FLYWCH1: variants seen among roughly 807,000 people sequenced by gnomAD.
FLYWCH1 encodes the protein FLYWCH-type zinc finger-containing protein 1.
A neutral mutation model predicts 66.4 loss-of-function variants in FLYWCH1; 75 were observed. The ratio of observed to expected loss-of-function variants is 1.13; its 90% confidence interval spans 0.94 to 1.37. The LOEUF (loss-of-function observed/expected upper bound fraction) is 1.37, where lower values mean the gene tolerates loss of function less well. Among genes scored for constraint, FLYWCH1 ranks in the 40% most tolerant of loss-of-function variants. The probability of loss-of-function intolerance (pLI) is 0.00; values close to 1 mark genes in which losing one functional copy is unlikely to be tolerated. For missense variants in FLYWCH1, 1,334 were observed against 1,001.8 expected (o/e 1.33, Z -4.48); for synonymous variants, 595 against 429.9 (o/e 1.38, Z -4.75).
intron 8 of FLYWCH1, among the ~76,000 whole-genome samples, chr16:2,939,295 A>C (rs1255654040): frequency 2.6e-5 from 4 of 152,116 alleles, no homozygotes; most frequent in African/African-American, 7.2e-5. Flanking sequence ...AAAATACAAA[A>C]TTAGCTGGAC....
intron 6 of FLYWCH1, chr16:2,936,277 C>G: frequency 1.0e-5 from 4 of 396,386 alleles, no homozygotes; most frequent in Admixed American, 8.8e-5. Context: ...CCACCCCCTC[C>G]CGTGGCCTGG....
rs530712881 is a variant in FLYWCH1, at chr16:2,945,783, A to G, written c.2112-2905A>G. On this transcript the variant is annotated intron_variant, in intron 9 of 9. Transcript: ENST00000253928. ...GAGGCCAAGGTGGGCAGATCATGAG[A>G]TCAGGAGATCAAGACCATCCTGGCT... Among the ~76,000 whole-genome samples the G allele has an allele frequency of 1.6e-3, 250 of 152,176 alleles. 1 individual carries two copies. The highest frequency in any genetic ancestry group is 0.013 in the South Asian group (61 of 4,818).
rs370906110 is a variant in FLYWCH1 at position 2,937,294 on chromosome 16, C to A, written c.1687C>A (p.Arg563Ser). Residue 563 changes from arginine to serine, a missense_variant, in exon 7 of 10, where the codon CGC becomes AGC. Coordinates refer to ENST00000253928, the MANE Select transcript of FLYWCH1 (RefSeq NM_001308068.2). The stretch of plus-strand genomic sequence containing the variant: ...CCAGGGCCGGCGGGTCATGGTCATG[C>A]GCAGGCACTGCCACCCACCGGACCT... The part of the protein sequence containing the change: ...ITQGRRVMVM[R>S]RHCHPPDLGG... 7.5e-6 allele frequency: 12 copies of A among 1,603,778 alleles called. No individual in the cohort carries two copies. The African/African-American group carries it at 1.2e-4, about 16-fold the overall frequency.
Position 2,933,433 on chromosome 16 carries a change from G to T in FLYWCH1, c.1100G>T (p.Arg367Leu). Residue 367 changes from arginine to leucine, a missense_variant, in exon 5 of 10, where the codon CGA becomes CTA. Arg to Leu is a moderately radical substitution (Grantham distance 102). Transcript: ENST00000253928. ...GPGSQVDTLL[R>L]GVDSLLYRRG... The stretch of plus-strand genomic sequence containing the variant: ...GGGAGCCAAGTGGACACGCTGCTCC[G>T]AGGCGTGGATAGTTTGCTCTACCGC... The T allele has an allele frequency of 6.2e-7, 1 of 1,601,038 alleles. No homozygotes were observed. The highest frequency in any genetic ancestry group is 8.5e-7 in the Non-Finnish European group (1 of 1,174,630).
At chr16:2,921,530 T>C (rs1424092080) in intron 2 of FLYWCH1, among the ~76,000 whole-genome samples, 1 of 151,842 alleles carries the variant, frequency 6.6e-6, no homozygotes, top group Non-Finnish European at 1.5e-5. Context: ...ACCCTGTCAT[T>C]ACCAAAATAT....
At chr16:2,927,300 T>TGGCA (rs2070604707) in intron 2 of FLYWCH1, among the ~76,000 whole-genome samples, 1 of 152,194 alleles carries the variant, frequency 6.6e-6, no homozygotes, top group Non-Finnish European at 1.5e-5. Context: ...TCTTGAGGCG[T>TGGCA]GGCAGTTCCT....
Position 2,930,871 on chromosome 16 carries a change from C to A in FLYWCH1, c.787C>A (p.Leu263Met), listed in dbSNP as rs1385426366. The change falls in exon 4 of 10, where the codon CTG (leucine) becomes ATG (methionine). Residue 263 changes from leucine (L) to methionine (M), a missense_variant. Coordinates refer to ENST00000253928, the MANE Select transcript of FLYWCH1 (RefSeq NM_001308068.2). ...CCTGCCGCCCAAGAAGCGCTCGATC[C>A]TGGGGCTGGGTGAGTACAATCCACT... ...LSLPPKKRSI[L>M]GLGQARPLEF... 2 of 1,590,892 alleles carry A rather than the reference C, an allele frequency of 1.3e-6. No homozygotes were observed. Among genetic ancestry groups the A allele is most frequent in the African/African-American group, 2.7e-5 (2 of 74,542 alleles).
At chr16:2,934,641 T>C (rs1489147716) in intron 6 of FLYWCH1, 1 of 456,822 alleles carries the variant, frequency 2.2e-6, no homozygotes, top group Admixed American at 2.3e-5. Flanking sequence ...CCAGTGGCTC[T>C]TCCGGATCCT....
In FLYWCH1 at chr16:2,929,928, G is replaced by C; in HGVS notation, c.243G>C (p.Gln81His). The change falls in exon 3 of 10, where the codon CAG becomes CAC. Residue 81 changes from glutamine to histidine, a missense_variant. Transcript: ENST00000253928. Reference protein sequence around the residue: ...AGPATLASTLQILPVEEQGGV... With the variant: ...AGPATLASTLHILPVEEQGGV... ...CCGCCACCCTCGCCAGCACCTTGCA[G>C]ATCCTGCCAGTTGAGGAGCAGGGAG... 6.2e-7 allele frequency: 1 copy of C among 1,613,752 alleles called. No homozygotes were observed. Among genetic ancestry groups the C allele is most frequent in the Non-Finnish European group, 8.5e-7 (1 of 1,179,868 alleles).
At chr16:2,926,259 G>A (rs2070563165) in intron 2 of FLYWCH1, among the ~76,000 whole-genome samples, 1 of 152,142 alleles carries the variant, frequency 6.6e-6, no homozygotes, top group African/African-American at 2.4e-5. Context: ...AAAGGATTGG[G>A]AAAAAATTGG....
At chr16:2,917,983 G>A (rs976730141) in intron 2 of FLYWCH1, among the ~76,000 whole-genome samples, 3 of 151,366 alleles carry the variant, frequency 2.0e-5, no homozygotes, top group Admixed American at 6.6e-5. Context: ...GATTACAGGC[G>A]CCCGCCACCA....
At chr16:2,921,626 G>A (rs1366818502) in intron 2 of FLYWCH1, among the ~76,000 whole-genome samples, 1 of 152,156 alleles carries the variant, frequency 6.6e-6, no homozygotes, top group Non-Finnish European at 1.5e-5. Context: ...GCCGGGCATG[G>A]TAGTGTGCGC....
rs551896093 is a variant in FLYWCH1, at chr16:2,933,795, G to C, written c.1329G>C (p.Ala443=). 3 of 1,608,612 alleles carry C rather than the reference G, an allele frequency of 1.9e-6. No individual in the cohort carries two copies. Among genetic ancestry groups the C allele is most frequent in the Non-Finnish European group, 1.7e-6 (2 of 1,177,960 alleles). ...CCTTCCTCTACCGGCGGGAGAAGGCGGCTGGGGAGAAGGTGTATTGGACCT... is the reference window on the plus strand; with the variant it reads ...CCTTCCTCTACCGGCGGGAGAAGGCCGCTGGGGAGAAGGTGTATTGGACCT... The part of the protein sequence containing the change: ...YESFLYRREK[A]AGEKVYWTCR... Residue 443 remains alanine (A), a synonymous_variant, in exon 6 of 10, where the codon GCG becomes GCC. Coordinates refer to ENST00000253928, the MANE Select transcript of FLYWCH1 (RefSeq NM_001308068.2).
At chr16:2,913,256 G>C (rs2070052608) in intron 1 of FLYWCH1, 1 of 152,374 alleles carries the variant, frequency 6.6e-6, no homozygotes, top group Admixed American at 6.5e-5. Context: ...TCGTGGTAAG[G>C]GATCATGTCC....
chr16:2,922,631 A>G, intron 2 of FLYWCH1: 1 of 409,540 alleles, frequency 2.4e-6, no homozygotes, highest in South Asian at 2.0e-5. Flanking sequence ...ATATACATAT[A>G]TTTAGAATTA....
intron 8 of FLYWCH1, chr16:2,939,567 G>C (rs1344049040): frequency 6.5e-6 from 1 of 153,414 alleles, no homozygotes; most frequent in Non-Finnish European, 1.4e-5. Context: ...TTATAAATCA[G>C]CTGGGCACAG....
At chr16:2,923,063 G>T in intron 2 of FLYWCH1, 2 of 420,412 alleles carry the variant, frequency 4.8e-6, no homozygotes, top group Non-Finnish European at 9.1e-6. Context: ...TGGCTGTTGT[G>T]CGGATCTATT....
intron 4 of FLYWCH1, among the ~76,000 whole-genome samples, chr16:2,932,392 T>G (rs1399352154): frequency 2.0e-5 from 3 of 152,096 alleles, no homozygotes; most frequent in African/African-American, 7.2e-5. Context: ...TGGCTTAATT[T>G]CTGGAGTTTC....
chr16:2,933,686 CT>C, intron 5 of FLYWCH1, 29 bp from the exon 6 acceptor site: 1 of 1,599,580 alleles, frequency 6.3e-7, no homozygotes, highest in Non-Finnish European at 8.5e-7. Context: ...CCCCTGTCCC[CT>C]CCCCTGACTG....
Sources: allele counts gnomAD v4.1 joint callset (sites outside exome capture counted in the v4.1 genomes callset), GRCh38; gene constraint gnomAD v4.1.1; transcripts MANE v1.5; gene names NCBI Gene and HGNC (gene_info 2026-07-23, HGNC 2026-07-21).